The following PAPPA variants were observed in gnomAD, a reference collection of about 807,000 sequenced individuals.
The protein encoded by PAPPA is pappalysin-1.
A neutral mutation model predicts 164.0 loss-of-function variants in PAPPA; 60 were observed. That is an observed-to-expected ratio of 0.37 (90% confidence interval 0.30 to 0.45). The LOEUF is 0.45. Ranked by LOEUF, PAPPA falls within the 20% of genes least tolerant of loss-of-function variation. The pLI is 1.00. For missense variants in PAPPA, 1,782 were observed against 2,087.3 expected (o/e 0.85, Z 2.85); for synonymous variants, 875 against 814.1 (o/e 1.07, Z -1.27).
intron 2 of PAPPA, among the ~76,000 whole-genome samples, chr9:116,194,101 A>G (rs189141881): frequency 3.3e-5 from 5 of 152,358 alleles, no homozygotes; most frequent in African/African-American, 4.8e-5. Flanking sequence ...GGTAGATGCC[A>G]CAGTTTTTTC....
chr9:116,185,279 C>G (rs1014528977), intron 1 of PAPPA, among the ~76,000 whole-genome samples: 2 of 152,130 alleles, frequency 1.3e-5, no homozygotes, highest in Non-Finnish European at 1.5e-5. Context: ...TAAGGAGACT[C>G]TGGCCATTTC....
Position 116,334,892 on chromosome 9 carries a change from CCT to C in PAPPA, c.3430_3431del (p.Leu1144AspfsTer7), listed in dbSNP as rs1324191375. On this transcript the variant is annotated frameshift_variant, in exon 13 of 22. Coordinates refer to ENST00000328252, the MANE Select transcript of PAPPA (RefSeq NM_002581.5). LOFTEE classifies it high-confidence loss of function. ...ATGTCCTGAGCTGCAGGAACAATCC[CCT>C]GATTATCCCTGTGGTCCATGACCTC... ...LHVLSCRNNP[L>X]IIPVVHDLSQ... The C allele has an allele frequency of 6.2e-7, 1 of 1,613,964 alleles. No individual in the cohort carries two copies. The highest frequency in any genetic ancestry group is 8.5e-7 in the Non-Finnish European group (1 of 1,179,890).
At chr9:116,360,337 G>A (rs1287034673) in intron 17 of PAPPA, among the ~76,000 whole-genome samples, 2 of 152,198 alleles carry the variant, frequency 1.3e-5, no homozygotes, top group Non-Finnish European at 2.9e-5. Flanking sequence ...GAACCTCTGG[G>A]AGTGAACTCT....
intron 18 of PAPPA, 128 bp downstream of exon 18, chr9:116,362,867 A>G: frequency 1.2e-6 from 1 of 861,138 alleles, no homozygotes; most frequent in South Asian, 1.8e-5. Flanking sequence ...AGAAAGAGAG[A>G]TGAATTAGTG....
rs866598852 is a variant in PAPPA at position 116,399,816 on chromosome 9, T to C, written c.*3200T>C. The C allele has an allele frequency of 6.6e-6, 1 of 152,618 alleles. No homozygotes were observed. Among genetic ancestry groups the C allele is most frequent in the African/African-American group, 2.4e-5 (1 of 41,438 alleles). The allele number at this position is 152,618 out of a possible 1,614,324, so 9.5% of individuals were successfully genotyped here. A position where few individuals can be genotyped will look rare whatever the true frequency, so the allele number is the denominator to read the frequency against. ...GTCATAGATGGTAGGGCTTTGAAAA[T>C]GCAGGGTATCAGCTGCCACTCCTGG... is the stretch of plus-strand genomic sequence containing the variant. On this transcript the variant is annotated 3_prime_UTR_variant, in exon 22 of 22. Coordinates refer to ENST00000328252, the MANE Select transcript of PAPPA (RefSeq NM_002581.5).
chr9:116,392,858 G>A (rs890327887), intron 21 of PAPPA, among the ~76,000 whole-genome samples: 2 of 152,162 alleles, frequency 1.3e-5, no homozygotes, highest in Non-Finnish European at 2.9e-5. Flanking sequence ...AGATGCCAGG[G>A]ACTTGCTGAA....
intron 10 of PAPPA, among the ~76,000 whole-genome samples, chr9:116,311,806 A>G (rs1020104736): frequency 2.0e-5 from 3 of 152,214 alleles, no homozygotes; most frequent in Non-Finnish European, 4.4e-5. Flanking sequence ...AAACTACATT[A>G]TCCCTGAGCA....
intron 6 of PAPPA, among the ~76,000 whole-genome samples, chr9:116,232,883 T>C (rs1040138429): frequency 6.6e-6 from 1 of 152,194 alleles, no homozygotes; most frequent in African/African-American, 2.4e-5. Flanking sequence ...GGTCCCTCTG[T>C]TGATTAACAA....
intron 19 of PAPPA, among the ~76,000 whole-genome samples, chr9:116,372,876 C>T (rs545119216): frequency 1.3e-5 from 2 of 152,292 alleles, no homozygotes; most frequent in South Asian, 2.1e-4. Flanking sequence ...AGGATTATCA[C>T]GTTACAGATG....
intron 7 of PAPPA, among the ~76,000 whole-genome samples, chr9:116,260,212 C>T (rs1275254284): frequency 6.6e-6 from 1 of 152,096 alleles, no homozygotes; most frequent in Admixed American, 6.6e-5. Context: ...AGTATTTATT[C>T]CTTTCACACC....
At chr9:116,351,753 G>C (rs969098863) in intron 15 of PAPPA, among the ~76,000 whole-genome samples, 5 of 152,208 alleles carry the variant, frequency 3.3e-5, no homozygotes, top group African/African-American at 1.2e-4. Flanking sequence ...AAATGAGATT[G>C]CATATCAGAA....
intron 14 of PAPPA, among the ~76,000 whole-genome samples, chr9:116,346,018 C>T (rs915410785): frequency 6.6e-6 from 1 of 152,210 alleles, no homozygotes; most frequent in South Asian, 2.1e-4. Flanking sequence ...TAGACACCTA[C>T]TTCCGTGTGT....
intron 5 of PAPPA, among the ~76,000 whole-genome samples, chr9:116,220,948 TG>T (rs768272603): frequency 1.3e-4 from 18 of 140,368 alleles, no homozygotes; most frequent in African/African-American, 4.2e-4. Flanking sequence ...TTGCACCAAA[TG>T]TTTTTTTTTT....
intron 13 of PAPPA, among the ~76,000 whole-genome samples, chr9:116,342,095 T>C (rs1169178418): frequency 1.3e-5 from 2 of 152,244 alleles, no homozygotes; most frequent in Admixed American, 6.5e-5. Context: ...CTCTGGGTCT[T>C]CATAAGAGCC....
chr9:116,210,488 C>G (rs192157746), intron 3 of PAPPA, among the ~76,000 whole-genome samples: 2 of 152,192 alleles, frequency 1.3e-5, no homozygotes, highest in East Asian at 1.9e-4. Context: ...AGATGCTGCT[C>G]TACACCTAAA....
chr9:116,390,478 A>C (rs1588032985), intron 21 of PAPPA, among the ~76,000 whole-genome samples: 2 of 152,236 alleles, frequency 1.3e-5, no homozygotes, highest in East Asian at 1.9e-4. Flanking sequence ...AGCCAGGGAG[A>C]TTGAACTTTA....
chr9:116,284,545 C>CTTTTTTTTT lies in PAPPA; in HGVS notation c.2953+13144_2953+13152dup, dbSNP rs61248033. Among the ~76,000 whole-genome samples the CTTTTTTTTT allele has an allele frequency of 7.1e-3, 629 of 88,258 alleles. 25 individuals carry two copies. Among genetic ancestry groups the CTTTTTTTTT allele is most frequent in the African/African-American group, 0.027 (601 of 21,966 alleles). The allele number at this position is 88,258 out of a possible 152,430, so 57.9% of individuals were successfully genotyped here. A position where few individuals can be genotyped will look rare whatever the true frequency, so the allele number is the denominator to read the frequency against. On this transcript the variant is annotated intron_variant, in intron 9 of 21. Coordinates refer to ENST00000328252, the MANE Select transcript of PAPPA (RefSeq NM_002581.5). ...CAAAATCTCTATCTTTAGTCTGGGC[C>CTTTTTTTTT]TTTTTTTTTTTTTTTTTTTTTTTGA...
In PAPPA at chr9:116,276,732, C is replaced by T. The variant is rs148637679; in HGVS notation, c.2953+5316C>T. On this transcript the variant is annotated intron_variant, in intron 9 of 21. Transcript: ENST00000328252. ...CCCTCCCTCCCCACTCCTCTTCTCT[C>T]CCCTACTCCTGCCATTAGCATCACT... Among the ~76,000 whole-genome samples the T allele has an allele frequency of 2.7e-3, 417 of 152,308 alleles. 1 individual carries two copies. Among genetic ancestry groups the T allele is most frequent in the Non-Finnish European group, 4.3e-3 (291 of 68,022 alleles).
intron 13 of PAPPA, among the ~76,000 whole-genome samples, chr9:116,344,086 C>T (rs555953280): frequency 6.6e-6 from 1 of 152,226 alleles, no homozygotes; most frequent in East Asian, 1.9e-4. Flanking sequence ...TTACTGAGTG[C>T]TTAGTATATG....
Sources: allele counts gnomAD v4.1 joint callset (sites outside exome capture counted in the v4.1 genomes callset), GRCh38; gene constraint gnomAD v4.1.1; transcripts MANE v1.5; gene names NCBI Gene and HGNC (gene_info 2026-07-23, HGNC 2026-07-21).